Variants in FAM114A1 observed in about 807,000 individuals in gnomAD.
FAM114A1 encodes family with sequence similarity 114 member A1.
Under a neutral mutation model 64.3 loss-of-function variants are expected in FAM114A1, and 62 were observed. The ratio of observed to expected loss-of-function variants is 0.96; its 90% CI spans 0.79 to 1.19. The LOEUF (loss-of-function observed/expected upper bound fraction) is 1.19, where lower values mean the gene tolerates loss of function less well. Among genes scored for constraint, FAM114A1 ranks in the 50% most tolerant of loss-of-function variants. The pLI is 0.00. For missense variants in FAM114A1, 645 were observed against 676.3 expected, an observed-to-expected ratio of 0.95 and a Z score of 0.51; for synonymous variants, 254 against 251.1, an observed-to-expected ratio of 1.01 and a Z score of -0.11.
chr4:38,905,902 C>G, intron 6 of FAM114A1, 41 bp downstream of exon 6: 1 of 1,545,728 alleles, frequency 6.5e-7, no homozygotes, highest in South Asian at 1.2e-5. Flanking sequence ...CTGTATTTCC[C>G]AGGGCCTTCT....
intron 8 of FAM114A1, among the ~76,000 whole-genome samples, chr4:38,919,216 C>G (rs1465095589): frequency 6.6e-6 from 1 of 152,028 alleles, no homozygotes; most frequent in Non-Finnish European, 1.5e-5. Flanking sequence ...AAATGTATTC[C>G]ATCCTCTTAA....
chr4:38,892,537 G>A (rs1716505814), intron 4 of FAM114A1, among the ~76,000 whole-genome samples: 1 of 152,156 alleles, frequency 6.6e-6, no homozygotes, highest in South Asian at 2.1e-4. Context: ...GTGTCTTCCT[G>A]AGTGCAAATT....
At chr4:38,871,091 T>G (rs1714032184) in intron 2 of FAM114A1, among the ~76,000 whole-genome samples, 2 of 142,294 alleles carry the variant, frequency 1.4e-5, no homozygotes, top group Non-Finnish European at 3.1e-5. Flanking sequence ...TCTTTCTTTT[T>G]TTTTTTTTTT....
chr4:38,931,553 G>T lies in FAM114A1; in HGVS notation c.1264G>T (p.Glu422Ter). Residue 422 changes from glutamate to a stop codon, truncating the protein, a stop_gained, in exon 11 of 15, where the codon GAG becomes TAG. Coordinates refer to ENST00000358869, the MANE Select transcript of FAM114A1 (RefSeq NM_138389.4). LOFTEE classifies it high-confidence loss of function. ...EEETKKEEKE[E>*]KSQDPQEDKK... ...AGAAACAAAGAAGGAAGAAAAGGAA[G>T]AGAAATCTCAAGACCCTCAAGAAGA... The T allele has an allele frequency of 6.2e-7, 1 of 1,613,952 alleles. No homozygotes were observed. The highest frequency in any genetic ancestry group is 8.5e-7 in the Non-Finnish European group (1 of 1,179,968).
intron 12 of FAM114A1, among the ~76,000 whole-genome samples, chr4:38,934,144 A>C (rs1720887599): frequency 6.6e-6 from 1 of 152,206 alleles, no homozygotes; most frequent in Non-Finnish European, 1.5e-5. Flanking sequence ...ATCTCTAGGT[A>C]CTGGTTTATC....
At chr4:38,884,176 A>G (rs1299873857) in intron 3 of FAM114A1, among the ~76,000 whole-genome samples, 1 of 152,190 alleles carries the variant, frequency 6.6e-6, no homozygotes, top group African/African-American at 2.4e-5. Context: ...TTTGGTAGAG[A>G]CGGGGTCTCC....
rs147842452 is a variant in FAM114A1 at position 38,906,882 on chromosome 4, GTCATTCAT to G, written c.657+1039_657+1046del. Reference sequence around the variant, plus strand: ...AAAAATATGGCTCGTGTCTCATTTAGTCATTCATTCATTCATTCATTCATTAAAAGAAA... The same window carrying G: ...AAAAATATGGCTCGTGTCTCATTTAGTCATTCATTCATTCATTAAAAGAAA... On this transcript the variant is annotated intron_variant, in intron 6 of 14. Transcript: ENST00000358869. 5.9e-5 allele frequency among the ~76,000 whole-genome samples: 9 copies of G among 152,046 alleles called. 1 individual carries two copies. The South Asian group carries it at 8.3e-4, about 14-fold the overall frequency.
chr4:38,893,525 A>G (rs964078669), intron 4 of FAM114A1, among the ~76,000 whole-genome samples: 1 of 152,206 alleles, frequency 6.6e-6, no homozygotes, highest in African/African-American at 2.4e-5. Flanking sequence ...CACAGAAATC[A>G]TCTGCTCTGT....
chr4:38,882,183 G>A (rs960869824), intron 3 of FAM114A1, among the ~76,000 whole-genome samples: 2 of 144,896 alleles, frequency 1.4e-5, no homozygotes, highest in Admixed American at 1.4e-4. Context: ...GCGGTGGTGG[G>A]CGCCTGTAGT....
intron 4 of FAM114A1, among the ~76,000 whole-genome samples, chr4:38,901,179 A>C (rs975578052): frequency 2.6e-5 from 4 of 152,228 alleles, no homozygotes; most frequent in Non-Finnish European, 4.4e-5. Flanking sequence ...TATGGGACCA[A>C]TAGGAAGTAG....
intron 2 of FAM114A1, among the ~76,000 whole-genome samples, chr4:38,871,867 C>T (rs1245820648): frequency 6.6e-6 from 1 of 152,186 alleles, no homozygotes; most frequent in Non-Finnish European, 1.5e-5. Context: ...TCCTTTTAGG[C>T]CTGTGTTCTA....
chr4:38,877,821 A>T (rs1714799202), intron 2 of FAM114A1, among the ~76,000 whole-genome samples: 1 of 152,066 alleles, frequency 6.6e-6, no homozygotes, highest in Non-Finnish European at 1.5e-5. Context: ...AAAATAAGCC[A>T]GGCGTCGTGG....
At chr4:38,879,644 A>AGCCC (rs113121070) in intron 3 of FAM114A1, among the ~76,000 whole-genome samples, 42,093 of 151,916 alleles carry the variant, frequency 0.28, 6,161 homozygotes, top group African/African-American at 0.32. Context: ...TTTAAACAAA[A>AGCCC]GCTGAACAGT....
chr4:38,884,873 C>T (rs1459201962), intron 3 of FAM114A1, among the ~76,000 whole-genome samples: 5 of 152,220 alleles, frequency 3.3e-5, no homozygotes, highest in Admixed American at 3.3e-4. Flanking sequence ...ACCATTTACA[C>T]AGGGCAAAAT....
At chr4:38,934,823 A>G (rs139024222) in intron 12 of FAM114A1, among the ~76,000 whole-genome samples, 54 of 152,332 alleles carry the variant, frequency 3.5e-4, no homozygotes, top group African/African-American at 1.2e-3. Flanking sequence ...TTTATTTTGA[A>G]TCATATAATA....
chr4:38,912,802 G>C (rs1718684908), intron 7 of FAM114A1, among the ~76,000 whole-genome samples: 2 of 152,034 alleles, frequency 1.3e-5, no homozygotes, highest in Non-Finnish European at 2.9e-5. Flanking sequence ...CTGGTGTAGA[G>C]AAAGGAAGTG....
chr4:38,881,698 C>G (rs1715290554), intron 3 of FAM114A1, among the ~76,000 whole-genome samples: 1 of 152,186 alleles, frequency 6.6e-6, no homozygotes, highest in Non-Finnish European at 1.5e-5. Flanking sequence ...CTCTTAGTAG[C>G]TTATCCTTTT....
chr4:38,925,543 T>G (rs1333940249), intron 9 of FAM114A1, among the ~76,000 whole-genome samples: 1 of 152,204 alleles, frequency 6.6e-6, no homozygotes, highest in Non-Finnish European at 1.5e-5. Flanking sequence ...CCCTAACAAC[T>G]AAATAATTTA....
intron 9 of FAM114A1, among the ~76,000 whole-genome samples, chr4:38,924,290 G>A (rs28427883): frequency 2.0e-5 from 3 of 151,946 alleles, no homozygotes; most frequent in Non-Finnish European, 2.9e-5. Flanking sequence ...CTTAAAGTGC[G>A]AACACAATGC....
Sources: gnomAD v4.1 joint callset for allele counts (sites outside exome capture counted in the v4.1 genomes callset) on GRCh38, gnomAD v4.1.1 for gene constraint, MANE v1.5 for transcripts, NCBI Gene and HGNC (gene_info 2026-07-23, HGNC 2026-07-21) for gene names.